MATCAP1: variants seen among roughly 807,000 people sequenced by gnomAD.
The protein encoded by MATCAP1 is microtubule-associated tyrosine carboxypeptidase 1.
chr16:67,182,966 C>T, the MATCAP1 span, among the ~76,000 whole-genome samples: 1 of 152,114 alleles, frequency 6.6e-6, no homozygotes, highest in Non-Finnish European at 1.5e-5. Context: ...CAGCTGTGTC[C>T]CCAGAACCCA....
chr16:67,179,771 C>T, the MATCAP1 span: 8 of 1,609,042 alleles, frequency 5.0e-6, no homozygotes, highest in African/African-American at 8.0e-5. The surrounding 1 kb of genome is among the most constrained non-coding windows in gnomAD (Gnocchi z 5.2). Flanking sequence ...ACAAGACACC[C>T]TGATTTGGGG....
the MATCAP1 span, among the ~76,000 whole-genome samples, chr16:67,177,660 G>A: frequency 6.6e-6 from 1 of 152,246 alleles, no homozygotes; most frequent in East Asian, 1.9e-4. Flanking sequence ...CTCACTCCCC[G>A]TTGCTTCAGA....
the MATCAP1 span, chr16:67,179,476 G>A: frequency 3.2e-5 from 51 of 1,612,548 alleles, no homozygotes; most frequent in Admixed American, 5.5e-4. The surrounding 1 kb of genome is among the most constrained non-coding windows in gnomAD (Gnocchi z 5.2). Flanking sequence ...GGCGGGCTCC[G>A]GTCAGGTTGA....
chr16:67,178,537 C>G, the MATCAP1 span: 13 of 1,502,966 alleles, frequency 8.6e-6, no homozygotes, highest in South Asian at 1.5e-4. Flanking sequence ...CGGCGCTGGG[C>G]GGGGCGTTCG....
At chr16:67,181,411 G>A in the MATCAP1 span, 3 of 152,252 alleles carry the variant, frequency 2.0e-5, no homozygotes, top group African/African-American at 7.2e-5. Flanking sequence ...TTGGGAAGCA[G>A]AAGGAAGCTT....
At chr16:67,180,250 G>A in the MATCAP1 span, 1 of 1,613,354 alleles carries the variant, frequency 6.2e-7, no homozygotes, top group Non-Finnish European at 8.5e-7. Flanking sequence ...TTAGCAATGT[G>A]AGGCAGGGAG....
chr16:67,176,054 A>AGTGTGTGTGTGTGTGT, the MATCAP1 span: 2 of 71,544 alleles, frequency 2.8e-5, no homozygotes, highest in African/African-American at 1.3e-4. This position sits in a 1 kb window ranked among gnomAD's most constrained non-coding sequence, Gnocchi z 4.3. Flanking sequence ...GGCCTGAATC[A>AGTGTGTGTGTGTGTGT]GTGTGTGTGT....
the MATCAP1 span, chr16:67,178,676 C>T: frequency 5.5e-6 from 4 of 724,736 alleles, no homozygotes; most frequent in African/African-American, 6.9e-5. Context: ...CAGCGTGAAG[C>T]TCCTCCTCCT....
chr16:67,180,316 G>A, the MATCAP1 span: 22 of 1,612,138 alleles, frequency 1.4e-5, 1 homozygote, highest in East Asian at 4.5e-5. Flanking sequence ...GGTGGAGGCC[G>A]TCCCAGGGTG....
the MATCAP1 span, among the ~76,000 whole-genome samples, chr16:67,180,958 C>T: frequency 6.6e-6 from 1 of 152,202 alleles, no homozygotes; most frequent in African/African-American, 2.4e-5. Context: ...AACTCCTGGC[C>T]TGAAGTGATC....
the MATCAP1 span, chr16:67,176,867 T>C: frequency 1.9e-6 from 3 of 1,610,780 alleles, no homozygotes; most frequent in Non-Finnish European, 8.5e-7. This position sits in a 1 kb window ranked among gnomAD's most constrained non-coding sequence, Gnocchi z 4.3. Flanking sequence ...GTGGCCATGA[T>C]GTGCTCCAGC....
chr16:67,176,964 C>T, the MATCAP1 span: 1 of 1,557,334 alleles, frequency 6.4e-7, no homozygotes, highest in Non-Finnish European at 8.7e-7. This position sits in a 1 kb window ranked among gnomAD's most constrained non-coding sequence, Gnocchi z 4.3. Flanking sequence ...GGTCCACATC[C>T]TCATAGGACA....
At chr16:67,178,079 C>G in the MATCAP1 span, 1 of 1,614,120 alleles carries the variant, frequency 6.2e-7, no homozygotes, top group Non-Finnish European at 8.5e-7. Context: ...CGATGCCGTC[C>G]AGGTACACCT....
At chr16:67,176,922 G>C in the MATCAP1 span, 1 of 1,607,532 alleles carries the variant, frequency 6.2e-7, no homozygotes, top group South Asian at 1.1e-5. The surrounding 1 kb of genome is among the most constrained non-coding windows in gnomAD (Gnocchi z 4.3). Flanking sequence ...GGGGCACCCG[G>C]GTATTATCCA....
chr16:67,177,212 C>T, the MATCAP1 span, among the ~76,000 whole-genome samples: 1 of 152,154 alleles, frequency 6.6e-6, no homozygotes, highest in Non-Finnish European at 1.5e-5. Context: ...CTCTCCAGCC[C>T]AGCCTCTCAG....
the MATCAP1 span, among the ~76,000 whole-genome samples, chr16:67,181,338 G>A: frequency 6.6e-6 from 1 of 152,186 alleles, no homozygotes; most frequent in African/African-American, 2.4e-5. Flanking sequence ...GCTTACGCCG[G>A]TACCCCCCAG....
At chr16:67,178,259 C>T in the MATCAP1 span, 10 of 1,565,804 alleles carry the variant, frequency 6.4e-6, no homozygotes, top group Non-Finnish European at 8.7e-6. Context: ...CAGCGCACAT[C>T]GGCGTCCTGC....
At chr16:67,178,509 G>T in the MATCAP1 span, 3 of 1,523,076 alleles carry the variant, frequency 2.0e-6, no homozygotes, top group South Asian at 3.6e-5. Flanking sequence ...GGGTGCCTGC[G>T]GGGAAGGCGA....
the MATCAP1 span, chr16:67,179,681 C>T: frequency 6.7e-7 from 1 of 1,485,232 alleles, no homozygotes; most frequent in African/African-American, 1.4e-5. This position sits in a 1 kb window ranked among gnomAD's most constrained non-coding sequence, Gnocchi z 5.2. Flanking sequence ...CCCTTCATCA[C>T]CTCTGCTCAG....
Sources: allele counts gnomAD v4.1 joint callset (sites outside exome capture counted in the v4.1 genomes callset), GRCh38; gene constraint gnomAD v4.1.1; non-coding constraint Gnocchi (gnomAD v3.1); transcripts MANE v1.5; gene names NCBI Gene and HGNC (gene_info 2026-07-23, HGNC 2026-07-21).